The following LBHD1 variants were observed in gnomAD, a reference collection of about 807,000 sequenced individuals.
LBHD1 encodes LBH domain containing 1.
Under a neutral mutation model 31.1 loss-of-function variants are expected in LBHD1, and 28 were observed. The observed-to-expected ratio is 0.90, with a 90% confidence interval of 0.67 to 1.24. The LOEUF is 1.24. LBHD1 is among the 50% of genes most tolerant of loss of function. The pLI is 0.00. For synonymous variants in LBHD1, 105 were observed against 116.5 expected, an observed-to-expected ratio of 0.90 and a Z score of 0.63; for missense variants, 350 against 323.0, an observed-to-expected ratio of 1.08 and a Z score of -0.64.
chr11:62,671,333 G>C, intron 1 of LBHD1: 1 of 1,024,722 alleles, frequency 9.8e-7, no homozygotes, highest in Non-Finnish European at 1.3e-6. Context: ...CCCTCCATGC[G>C]CTGTGTTGAA....
chr11:62,670,113 ATCT>A lies in LBHD1; in HGVS notation c.-10-75_-10-73del, dbSNP rs541157690. 2.3e-4 allele frequency: 331 copies of A among 1,469,680 alleles called. No individual in the cohort carries two copies. The African/African-American group carries it at 3.6e-3, about 16-fold the overall frequency. The allele number at this position is 1,469,680 out of a possible 1,614,324, so 91.0% of individuals were successfully genotyped here. ...GTGCACCCCACAAACTGTTCCTTTAATCTTCTTTGGAGCCTGGCCCCTTAAGCA... is the reference window on the plus strand; with the variant it reads ...GTGCACCCCACAAACTGTTCCTTTAATCTTTGGAGCCTGGCCCCTTAAGCA... On this transcript the variant is annotated intron_variant, in intron 1 of 6. Coordinates refer to ENST00000354588, the MANE Select transcript of LBHD1 (RefSeq NM_024099.5).
At chr11:62,666,157 G>A in intron 4 of LBHD1, 1 of 709,396 alleles carries the variant, frequency 1.4e-6, no homozygotes, top group Middle Eastern at 4.0e-4. Flanking sequence ...GACCAACCTA[G>A]GGCAACATAG....
intron 5 of LBHD1, 72 bp downstream of exon 5, chr11:62,664,777 T>G (rs1944748566): frequency 6.6e-7 from 1 of 1,526,564 alleles, no homozygotes. Flanking sequence ...GAGGTGAAGC[T>G]GCTCCGGAGC....
At chr11:62,665,522 G>A (rs1043276936) in intron 4 of LBHD1, 61 of 1,570,190 alleles carry the variant, frequency 3.9e-5, no homozygotes, top group Non-Finnish European at 5.2e-5. Flanking sequence ...TGTCTTCGGT[G>A]CTGGCGGCTT....
At chr11:62,667,455 A>G in intron 4 of LBHD1, 68 bp downstream of exon 4, 4 of 1,504,352 alleles carry the variant, frequency 2.7e-6, no homozygotes, top group Non-Finnish European at 3.7e-6. Flanking sequence ...AGGAGATTGT[A>G]AGAGGATGGG....
rs754080939 is a variant in LBHD1, at chr11:62,665,605, GC to G, written c.539-633del. The G allele has an allele frequency of 1.9e-6, 3 of 1,565,606 alleles. No individual in the cohort carries two copies. In the Admixed American group the frequency reaches 5.3e-5, roughly 27 times the overall value. ...GAGAAGGACAACCGAGATCCAGCTGGCTCCTCCATCGGGGTGCTCACACTTT... is the reference window on the plus strand; with the variant it reads ...GAGAAGGACAACCGAGATCCAGCTGGTCCTCCATCGGGGTGCTCACACTTT... On this transcript the variant is annotated intron_variant, in intron 4 of 6. Coordinates refer to ENST00000354588, the MANE Select transcript of LBHD1 (RefSeq NM_024099.5).
intron 4 of LBHD1, chr11:62,665,310 GC>G (rs1235633222): frequency 1.4e-6 from 1 of 715,222 alleles, no homozygotes; most frequent in Admixed American, 2.5e-5. Flanking sequence ...GGTGCGGGAG[GC>G]CTTTCGGAGG....
At chr11:62,665,490 G>A (rs1485392212) in intron 4 of LBHD1, 2 of 1,575,978 alleles carry the variant, frequency 1.3e-6, no homozygotes, top group Admixed American at 1.7e-5. Context: ...AGAGGGAAAG[G>A]GCTCTGGCCC....
intron 5 of LBHD1, 87 bp downstream of exon 5, chr11:62,664,762 G>C (rs1944748286): frequency 6.7e-7 from 1 of 1,487,018 alleles, no homozygotes; most frequent in African/African-American, 1.4e-5. Context: ...CACAAGGTGA[G>C]CTGAGAGGTG....
At position 62,667,767 on chromosome 11, in the gene LBHD1, G is replaced by A. The variant is rs1279166714; in HGVS notation, c.314-20C>T. On this transcript the variant is annotated intron_variant, in intron 3 of 6. Transcript: ENST00000354588. Reference sequence around the variant, plus strand: ...CCCAGCCTGGGATGGAGGAAGAGAGGGGACAAAAATATTACTGATATATTA... The same window carrying A: ...CCCAGCCTGGGATGGAGGAAGAGAGAGGACAAAAATATTACTGATATATTA... 1 of 1,519,544 alleles carries A rather than the reference G, an allele frequency of 6.6e-7. No individual in the cohort carries two copies. Among genetic ancestry groups the A allele is most frequent in the Non-Finnish European group, 9.1e-7 (1 of 1,101,422 alleles). 94.1% of individuals were successfully genotyped at this position (1,519,544 alleles called of 1,614,324 possible).
chr11:62,665,348 GC>G (rs1944770387), intron 4 of LBHD1: 3 of 816,364 alleles, frequency 3.7e-6, no homozygotes, highest in Middle Eastern at 6.9e-4. Flanking sequence ...TGTGGTTTTA[GC>G]TGTAGTAGCC....
chr11:62,665,562 G>A (rs749658018), intron 4 of LBHD1: 3 of 1,567,906 alleles, frequency 1.9e-6, no homozygotes, highest in East Asian at 2.4e-5. Flanking sequence ...CTCAAACGCC[G>A]GGACACCGGG....
chr11:62,666,361 A>G (rs745744565), intron 4 of LBHD1: 15 of 1,601,072 alleles, frequency 9.4e-6, no homozygotes, highest in South Asian at 2.2e-5. Flanking sequence ...CAGTGGCGAC[A>G]TAGACCAAGT....
At chr11:62,670,085 C>G (rs1944912284) in intron 1 of LBHD1, 44 bp from the exon 2 acceptor site, 2 of 1,535,248 alleles carry the variant, frequency 1.3e-6, no homozygotes, top group South Asian at 2.5e-5. Flanking sequence ...GTACTGCTGC[C>G]CAGTGCACCC....
Position 62,671,879 on chromosome 11 carries a change from G to A in LBHD1, c.-326C>T. On this transcript the variant is annotated 5_prime_UTR_variant, in exon 1 of 7. Coordinates refer to ENST00000354588, the MANE Select transcript of LBHD1 (RefSeq NM_024099.5). ...GAAATGCTAAAGGTAGAAGCAACTG[G>A]TAGTCCCGAGGAAGGGTGGGCGGGT... 6.2e-7 allele frequency: 1 copy of A among 1,613,912 alleles called. No homozygotes were observed. Among genetic ancestry groups the A allele is most frequent in the Non-Finnish European group, 8.5e-7 (1 of 1,179,860 alleles).
In LBHD1 at chr11:62,663,312, A is replaced by C; in HGVS notation, c.685T>G (p.Tyr229Asp). The change falls in exon 6 of 7, where the codon TAC becomes GAC. Residue 229 changes from tyrosine (Y) to aspartate (D), a missense_variant. By Grantham distance (160) the Tyr-to-Asp change is radical (BLOSUM62 -3). Coordinates refer to ENST00000354588, the MANE Select transcript of LBHD1 (RefSeq NM_024099.5). The stretch of plus-strand genomic sequence containing the variant: ...TTCTGCGCTTCTTCCCTGACAGTGT[A>C]ATGTTGGCACGTGCACTGGACCTGA... ...EAGVQCTCQHYTVREEAQKTP... is the reference protein window; with the variant it reads ...EAGVQCTCQHDTVREEAQKTP... 6.2e-7 allele frequency: 1 copy of C among 1,614,118 alleles called. No homozygotes were observed.
chr11:62,665,778 C>T (rs2134620883), intron 4 of LBHD1: 1 of 1,537,818 alleles, frequency 6.5e-7, no homozygotes, highest in Non-Finnish European at 8.8e-7. Context: ...CCTTTCGCTA[C>T]GCGGAATTTG....
chr11:62,667,149 G>T, intron 4 of LBHD1: 2 of 1,289,168 alleles, frequency 1.6e-6, no homozygotes, highest in East Asian at 2.3e-5. Context: ...GAGAATTTGA[G>T]TCCTGGCTTC....
chr11:62,669,066 GCC>G, intron 3 of LBHD1, among the ~76,000 whole-genome samples: 1 of 150,810 alleles, frequency 6.6e-6, no homozygotes, highest in Non-Finnish European at 1.5e-5. Context: ...GACTACAGGC[GCC>G]CGCCACCACG....
Sources: allele counts gnomAD v4.1 joint callset (sites outside exome capture counted in the v4.1 genomes callset), GRCh38; gene constraint gnomAD v4.1.1; transcripts MANE v1.5; gene names NCBI Gene and HGNC (gene_info 2026-07-23, HGNC 2026-07-21).